Variants in CRPPA observed in about 807,000 individuals in gnomAD.
The protein encoded by CRPPA is CDP-L-ribitol pyrophosphorylase A.
In CRPPA, 43 loss-of-function variants were observed where a neutral mutation model predicts 52.0. The ratio of observed to expected loss-of-function variants is 0.83; its 90% CI spans 0.65 to 1.07. The LOEUF is 1.07. Ranked by LOEUF, CRPPA falls within the 50% of genes least tolerant of loss-of-function variation. CRPPA has a pLI of 0.00. For missense variants in CRPPA, 629 were observed against 551.7 expected (o/e 1.14, Z -1.40); for synonymous variants, 250 against 203.5 (o/e 1.23, Z -1.94).
chr7:16,340,577 A>C (rs377352591), intron 3 of CRPPA, among the ~76,000 whole-genome samples: 5 of 114,402 alleles, frequency 4.4e-5, no homozygotes, highest in African/African-American at 1.8e-4. Context: ...AACATTAACT[A>C]TCAAATTGCT....
chr7:16,172,033 T>A (rs1781197925), intron 9 of CRPPA, among the ~76,000 whole-genome samples: 1 of 152,208 alleles, frequency 6.6e-6, no homozygotes, highest in African/African-American at 2.4e-5. Flanking sequence ...CAGTTCCCTA[T>A]GGTTCACCTC....
intron 1 of CRPPA, among the ~76,000 whole-genome samples, chr7:16,418,075 G>C (rs1788238186): frequency 6.6e-6 from 1 of 151,956 alleles, no homozygotes; most frequent in African/African-American, 2.4e-5. Flanking sequence ...TAAGACTTTT[G>C]GCCCCATACC....
intron 9 of CRPPA, among the ~76,000 whole-genome samples, chr7:16,200,491 G>A (rs1781826533): frequency 6.6e-6 from 1 of 152,094 alleles, no homozygotes; most frequent in Non-Finnish European, 1.5e-5. Flanking sequence ...TTCTCTGCAA[G>A]GCATTCACAT....
chr7:16,304,483 A>C (rs1021041730), intron 4 of CRPPA, among the ~76,000 whole-genome samples: 5 of 152,160 alleles, frequency 3.3e-5, no homozygotes, highest in Admixed American at 3.3e-4. Flanking sequence ...TCTACTAAAA[A>C]TACAAAAATC....
intron 5 of CRPPA, among the ~76,000 whole-genome samples, chr7:16,281,624 G>C (rs2128418475): frequency 6.6e-6 from 1 of 152,286 alleles, no homozygotes; most frequent in Non-Finnish European, 1.5e-5. Context: ...CACATAATGA[G>C]TTGGTAAGTG....
intron 3 of CRPPA, among the ~76,000 whole-genome samples, chr7:16,343,349 C>T (rs765904050): frequency 2.9e-4 from 44 of 152,080 alleles, no homozygotes; most frequent in Non-Finnish European, 5.4e-4. Context: ...CTCCACCCCC[C>T]AACTCTTCTG....
intron 3 of CRPPA, among the ~76,000 whole-genome samples, chr7:16,328,055 T>A (rs1026396824): frequency 6.6e-6 from 1 of 152,246 alleles, no homozygotes; most frequent in African/African-American, 2.4e-5. Flanking sequence ...TCATATCTAA[T>A]GCTTTTAAAA....
At chr7:16,173,578 T>C (rs545471325) in intron 9 of CRPPA, among the ~76,000 whole-genome samples, 17 of 152,182 alleles carry the variant, frequency 1.1e-4, no homozygotes, top group African/African-American at 4.1e-4. Context: ...TCAGAGAGTA[T>C]AACAAGATGC....
intron 5 of CRPPA, among the ~76,000 whole-genome samples, chr7:16,298,149 A>T (rs1784712887): frequency 6.6e-6 from 1 of 152,206 alleles, no homozygotes. Flanking sequence ...GGGTAAACTC[A>T]GGTGAGCAAA....
chr7:16,340,606 AAAAAAAAAAG>A (rs375774345), intron 3 of CRPPA, among the ~76,000 whole-genome samples: 50,660 of 141,486 alleles, frequency 0.36, 8,800 homozygotes, highest in African/African-American at 0.45. Flanking sequence ...TGTGGAGCAA[AAAAAAAAAAG>A]AAAAAAAAAA....
intron 3 of CRPPA, among the ~76,000 whole-genome samples, chr7:16,357,152 C>CT (rs908267854): frequency 1.6e-4 from 24 of 149,324 alleles, no homozygotes; most frequent in African/African-American, 5.6e-4. Flanking sequence ...TCAGCAAAGC[C>CT]TTTAGGGGAT....
rs10270997 is a variant in CRPPA at position 16,273,320 on chromosome 7, T to C, written c.933+4809A>G. 7.1e-3 allele frequency among the ~76,000 whole-genome samples: 1,077 copies of C among 151,878 alleles called. 12 individuals carry two copies. Among genetic ancestry groups the C allele is most frequent in the African/African-American group, 0.025 (1,020 of 41,440 alleles). ...TTGGCTCTCCCTGCCTCCCATCTTG[T>C]ACCCATAAAAAACCCCAAGCTCCAC... On this transcript the variant is annotated intron_variant, in intron 6 of 9. Transcript: ENST00000407010.
rs1353867773 is a variant in CRPPA at position 16,089,529 on chromosome 7, GTACA to G, written c.*2162_*2165del. The G allele has an allele frequency of 5.1e-5, 13 of 254,122 alleles. No individual in the cohort carries two copies. Among genetic ancestry groups the G allele is most frequent in the African/African-American group, 8.8e-5 (4 of 45,586 alleles). 15.7% of individuals were successfully genotyped at this position (254,122 alleles called of 1,614,324 possible). On this transcript the variant is annotated 3_prime_UTR_variant, in exon 10 of 10. Transcript: ENST00000407010. Reference sequence around the variant, plus strand: ...TACATAGATATGGGTATATATGTACGTACATACATATATATGTATATACATGTAA... The same window carrying G: ...TACATAGATATGGGTATATATGTACGTACATATATATGTATATACATGTAA...
intron 9 of CRPPA, among the ~76,000 whole-genome samples, chr7:16,171,562 C>T (rs1288243038): frequency 2.0e-5 from 3 of 151,984 alleles, no homozygotes; most frequent in Non-Finnish European, 4.4e-5. Context: ...GTCAGGAAAT[C>T]GAGACCATCC....
chr7:16,277,366 A>T (rs1784225093), intron 6 of CRPPA: 1 of 94,328 alleles, frequency 1.1e-5, no homozygotes. Flanking sequence ...CTCCATCTCA[A>T]AAAAAAAAAA....
At position 16,216,097 on chromosome 7, in the gene CRPPA, A is replaced by G. The variant is rs141625803; in HGVS notation, c.1220T>C (p.Leu407Ser). Residue 407 changes from leucine to serine, a missense_variant, in exon 9 of 10, where the codon TTG becomes TCG. Physicochemically the swap from Leu to Ser is moderately radical, Grantham distance 145 (BLOSUM62 -2). Coordinates refer to ENST00000407010, the MANE Select transcript of CRPPA (RefSeq NM_001101426.4). Reference protein sequence around the residue: ...FAKEVKERNILLYGLLISYPQ... With the variant: ...FAKEVKERNISLYGLLISYPQ... ...GTAAGATATGAGAAGCCCATATAAC[A>G]AAATATTTCTTTCTTTTACTTCCTT... The G allele has an allele frequency of 1.1e-3, 1,818 of 1,601,278 alleles. 32 individuals carry two copies. In the East Asian group the frequency reaches 0.03, roughly 26 times the overall value.
At chr7:16,419,257 A>G (rs113793049) in intron 1 of CRPPA, among the ~76,000 whole-genome samples, 3,329 of 152,336 alleles carry the variant, frequency 0.022, 118 homozygotes, top group African/African-American at 0.076. Context: ...AAATAGTCAT[A>G]TGAGAACCTG....
intron 5 of CRPPA, among the ~76,000 whole-genome samples, chr7:16,298,489 T>C (rs986787926): frequency 1.3e-5 from 2 of 152,218 alleles, no homozygotes; most frequent in African/African-American, 4.8e-5. Flanking sequence ...CATCAAGTTC[T>C]TGAAGAAATA....
chr7:16,286,062 T>TAGAATATTTAAAAAAAAAAA (rs1562608493), intron 5 of CRPPA, among the ~76,000 whole-genome samples: 1 of 32,370 alleles, frequency 3.1e-5, no homozygotes, highest in East Asian at 6.4e-4. Context: ...TATATATATA[T>TAGAATATTTAAAAAAAAAAA]ATATATATAT....
Sources: gnomAD v4.1 joint callset for allele counts (sites outside exome capture counted in the v4.1 genomes callset) on GRCh38, gnomAD v4.1.1 for gene constraint, MANE v1.5 for transcripts, NCBI Gene and HGNC (gene_info 2026-07-23, HGNC 2026-07-21) for gene names.